ABCC11: variants seen among roughly 807,000 people sequenced by gnomAD.
ABCC11 encodes the protein ATP-binding cassette sub-family C member 11.
Under a neutral mutation model 149.3 loss-of-function variants are expected in ABCC11, and 135 were observed. That is an observed-to-expected ratio of 0.90 (90% CI 0.79 to 1.04). The LOEUF is 1.04. ABCC11 is among the 50% of genes least tolerant of loss of function. The probability of loss-of-function intolerance (pLI) is 0.00; values close to 1 mark genes in which losing one functional copy is unlikely to be tolerated. For synonymous variants in ABCC11, 665 were observed against 671.4 expected (o/e 0.99, Z 0.15); for missense variants, 1,680 against 1,722.1 (o/e 0.98, Z 0.43).
intron 18 of ABCC11, among the ~76,000 whole-genome samples, chr16:48,195,143 T>C (rs889431085): frequency 4.6e-5 from 7 of 152,228 alleles, no homozygotes; most frequent in Admixed American, 4.6e-4. Flanking sequence ...TTGATGAGAT[T>C]TGAGATTCCC....
At chr16:48,203,543 C>T (rs913432392) in intron 13 of ABCC11, among the ~76,000 whole-genome samples, 1 of 152,080 alleles carries the variant, frequency 6.6e-6, no homozygotes, top group Non-Finnish European at 1.5e-5. Context: ...TTCTCCTTCC[C>T]ATCTTTGACC....
At position 48,192,595 on chromosome 16, in the gene ABCC11, C is replaced by T; in HGVS notation, c.2631G>A (p.Gly877=). ...GLNALLLICV[G]VCSSGIFTKV... is the part of the protein sequence containing the mutation. ...TGGTGAAAATCCCTGAGGAGCAGAC[C>T]CCCACACAGATGAGGAGCAGGGCGT... The change falls in exon 20 of 30, where the codon GGG becomes GGA. Residue 877 remains glycine, a synonymous_variant. Coordinates refer to ENST00000356608, the MANE Select transcript of ABCC11 (RefSeq NM_001370497.1). 1 of 1,614,138 alleles carries T rather than the reference C, an allele frequency of 6.2e-7. No individual in the cohort carries two copies. The highest frequency in any genetic ancestry group is 1.1e-5 in the South Asian group (1 of 91,084).
chr16:48,192,852 A>G, intron 19 of ABCC11, 135 bp from the exon 20 acceptor site: 1 of 826,160 alleles, frequency 1.2e-6, no homozygotes, highest in Non-Finnish European at 2.0e-6. Context: ...CTCCCTGCTC[A>G]GCGCTTGGCT....
intron 14 of ABCC11, among the ~76,000 whole-genome samples, chr16:48,200,927 C>G (rs78532763): frequency 0.013 from 1,938 of 152,238 alleles, 43 homozygotes; most frequent in African/African-American, 0.044. Flanking sequence ...GATAAATACC[C>G]TAAATGCCCT....
chr16:48,202,246 T>C (rs1968050230), intron 14 of ABCC11, among the ~76,000 whole-genome samples: 2 of 152,212 alleles, frequency 1.3e-5, no homozygotes, highest in Admixed American at 1.3e-4. Flanking sequence ...TTGTTCTTCC[T>C]ATTGAAGAAA....
intron 14 of ABCC11, among the ~76,000 whole-genome samples, chr16:48,202,414 T>C (rs1481787675): frequency 2.0e-5 from 3 of 152,104 alleles, no homozygotes; most frequent in Non-Finnish European, 2.9e-5. Flanking sequence ...AGTTTGAGAC[T>C]AGCTTGGCTA....
chr16:48,170,439 A>G (rs1325559784), intron 27 of ABCC11, among the ~76,000 whole-genome samples: 1 of 152,078 alleles, frequency 6.6e-6, no homozygotes, highest in African/African-American at 2.4e-5. Flanking sequence ...AAGATCTTTC[A>G]TCGGCTGCCC....
At position 48,242,743 on chromosome 16, in the gene ABCC11, G is replaced by GT. The variant is rs1166653060; in HGVS notation, c.-19+4570dup. Among the ~76,000 whole-genome samples the GT allele has an allele frequency of 4.6e-5, 7 of 152,318 alleles. No individual in the cohort carries two copies. The East Asian group carries it at 1.3e-3, about 29-fold the overall frequency. On this transcript the variant is annotated intron_variant, in intron 1 of 29. Coordinates refer to ENST00000356608, the MANE Select transcript of ABCC11 (RefSeq NM_001370497.1). ...AAAAAAGGATGAGTTCATGTCCTTT[G>GT]TAGGGACATGGATGATGCTGGAAAC...
At chr16:48,197,230 A>T (rs1363897406) in intron 17 of ABCC11, among the ~76,000 whole-genome samples, 1 of 152,160 alleles carries the variant, frequency 6.6e-6, no homozygotes, top group African/African-American at 2.4e-5. Flanking sequence ...AGGCTGAGGT[A>T]CAAGAATCTC....
chr16:48,185,986 C>T (rs1229024147), intron 22 of ABCC11, among the ~76,000 whole-genome samples: 1 of 152,136 alleles, frequency 6.6e-6, no homozygotes, highest in Non-Finnish European at 1.5e-5. Context: ...TCTCTGACAC[C>T]TTCCCCAACA....
chr16:48,179,634 G>T (rs1403546740), intron 23 of ABCC11, among the ~76,000 whole-genome samples: 1 of 152,232 alleles, frequency 6.6e-6, no homozygotes, highest in East Asian at 1.9e-4. Flanking sequence ...CAGCTGGATG[G>T]AAAGGCAGAC....
At chr16:48,190,928 T>C (rs1237380556) in intron 20 of ABCC11, among the ~76,000 whole-genome samples, 1 of 152,148 alleles carries the variant, frequency 6.6e-6, no homozygotes, top group East Asian at 1.9e-4. Context: ...AGCAGCCTGG[T>C]TCACCCAGCT....
intron 20 of ABCC11, among the ~76,000 whole-genome samples, chr16:48,187,665 T>C (rs1393054725): frequency 1.3e-5 from 2 of 152,122 alleles, no homozygotes; most frequent in Non-Finnish European, 2.9e-5. Context: ...AGGTCCTCGT[T>C]AGCGAAATGG....
rs1970353343 is a variant in ABCC11 at position 48,230,428 on chromosome 16, A to G, written c.236+9T>C. 1 of 1,596,984 alleles carries G rather than the reference A, an allele frequency of 6.3e-7. No individual in the cohort carries two copies. Among genetic ancestry groups the G allele is most frequent in the African/African-American group, 1.3e-5 (1 of 74,344 alleles). ...ACAGCTCTCTCCCACCACCCCCATCAGGACTCACCTCGGCTTGGGACGGAA... is the reference window on the plus strand; with the variant it reads ...ACAGCTCTCTCCCACCACCCCCATCGGGACTCACCTCGGCTTGGGACGGAA... On this transcript the variant is annotated intron_variant, in intron 3 of 29. Transcript: ENST00000356608.
At chr16:48,242,103 C>G (rs556309934) in intron 1 of ABCC11, among the ~76,000 whole-genome samples, 1 of 152,338 alleles carries the variant, frequency 6.6e-6, no homozygotes, top group African/African-American at 2.4e-5. Context: ...TCAGAGTGAA[C>G]AGGCAACCTA....
At chr16:48,188,709 C>G (rs1175225473) in intron 20 of ABCC11, among the ~76,000 whole-genome samples, 1 of 152,190 alleles carries the variant, frequency 6.6e-6, no homozygotes, top group Non-Finnish European at 1.5e-5. Flanking sequence ...AATGGCAAAA[C>G]CATGATCCAA....
chr16:48,230,729 C>T (rs1034687851), intron 2 of ABCC11, among the ~76,000 whole-genome samples, 156 bp from the exon 3 acceptor site: 3 of 151,924 alleles, frequency 2.0e-5, no homozygotes, highest in Non-Finnish European at 4.4e-5. Flanking sequence ...GACCGAGAGT[C>T]AGGGCAACTG....
chr16:48,166,184 C>G lies in ABCC11; in HGVS notation c.*1090G>C, dbSNP rs1444127887. On this transcript the variant is annotated 3_prime_UTR_variant, in exon 30 of 30. Transcript: ENST00000356608. The stretch of plus-strand genomic sequence containing the variant: ...CCCAGGCCCAAATATGGGCATGTGG[C>G]TCAGGCCTGGCAAATCACAGTATGC... Among the ~76,000 whole-genome samples, 1 of 152,208 alleles carries G rather than the reference C, an allele frequency of 6.6e-6. No homozygotes were observed.
chr16:48,213,576 G>A (rs1402452147), intron 9 of ABCC11, 26 bp from the exon 10 acceptor site: 2 of 1,581,982 alleles, frequency 1.3e-6, no homozygotes, highest in Non-Finnish European at 1.7e-6. Context: ...AGGAGGTGGT[G>A]AGGGTCGTGG....
Sources: allele counts gnomAD v4.1 joint callset (sites outside exome capture counted in the v4.1 genomes callset), GRCh38; gene constraint gnomAD v4.1.1; transcripts MANE v1.5; gene names NCBI Gene and HGNC (gene_info 2026-07-23, HGNC 2026-07-21).